The following IPO7 variants were observed in gnomAD, a reference collection of about 807,000 sequenced individuals.
The protein encoded by IPO7 is importin-7.
In IPO7, 13 loss-of-function variants were observed where a neutral mutation model predicts 136.4. That is an observed-to-expected ratio of 0.10 (90% CI 0.06 to 0.15). The LOEUF (loss-of-function observed/expected upper bound fraction) is 0.15, where lower values mean the gene tolerates loss of function less well. IPO7 is among the 10% of genes least tolerant of loss of function. The pLI is 1.00. For synonymous variants in IPO7, 403 were observed against 404.4 expected, an observed-to-expected ratio of 1.00 and a Z score of 0.04; for missense variants, 857 against 1,240.6, an observed-to-expected ratio of 0.69 and a Z score of 4.65.
intron 20 of IPO7, among the ~76,000 whole-genome samples, chr11:9,436,960 A>T (rs905523290): frequency 7.6e-6 from 1 of 131,434 alleles, no homozygotes; most frequent in East Asian, 2.3e-4. Context: ...ATCTCAGCTC[A>T]CTGCAACCTC....
chr11:9,395,142 C>A (rs1411000192), intron 1 of IPO7, among the ~76,000 whole-genome samples: 1 of 152,072 alleles, frequency 6.6e-6, no homozygotes, highest in Non-Finnish European at 1.5e-5. Flanking sequence ...TGATGTTTGC[C>A]AAATTGTTGA....
Position 9,414,331 on chromosome 11 carries a change from A to T in IPO7, c.556A>T (p.Ile186Phe). The change falls in exon 5 of 25, where the codon ATC becomes TTC. Residue 186 changes from isoleucine (I) to phenylalanine (F), a missense_variant. Ile to Phe is a conservative substitution (Grantham distance 21). This residue lies in a region of IPO7 where 287 missense variants were observed against 307.5 expected (regional missense o/e 0.93). Transcript: ENST00000379719. ...HFLPVLKDRFIQLLSDQSDQS... is the reference protein window; with the variant it reads ...HFLPVLKDRFFQLLSDQSDQS... The stretch of plus-strand genomic sequence containing the variant: ...TCTGCCAGTTCTAAAGGATCGTTTT[A>T]TCCAGCTTCTTTCTGACCAGTCTGA... 1 of 1,613,288 alleles carries T rather than the reference A, an allele frequency of 6.2e-7. No individual in the cohort carries two copies. Among genetic ancestry groups the T allele is most frequent in the East Asian group, 2.2e-5 (1 of 44,844 alleles).
chr11:9,443,591 CAAAAA>C, intron 24 of IPO7, among the ~76,000 whole-genome samples: 1 of 69,486 alleles, frequency 1.4e-5, no homozygotes. Context: ...AACTCCGTCT[CAAAAA>C]AAAAAAAAAA....
chr11:9,436,843 TA>T (rs1855376927), intron 20 of IPO7, among the ~76,000 whole-genome samples: 2 of 8,074 alleles, frequency 2.5e-4, no homozygotes, highest in African/African-American at 8.0e-4. Context: ...CGCCTGATTT[TA>T]TATATATATA....
chr11:9,410,808 C>T (rs1462551619), intron 4 of IPO7, among the ~76,000 whole-genome samples: 3 of 152,106 alleles, frequency 2.0e-5, no homozygotes, highest in Admixed American at 6.6e-5. Flanking sequence ...TGGGATATTA[C>T]GAGGAAGGCA....
chr11:9,433,282 G>A (rs988470454), intron 16 of IPO7: 5 of 336,974 alleles, frequency 1.5e-5, no homozygotes, highest in African/African-American at 8.6e-5. Context: ...CACCGCGCCC[G>A]GCCAACTCCT....
chr11:9,441,476 A>G (rs1183615376), intron 23 of IPO7, among the ~76,000 whole-genome samples: 5 of 152,214 alleles, frequency 3.3e-5, no homozygotes, highest in African/African-American at 1.2e-4. Flanking sequence ...GAACTGATGA[A>G]TATATTTTTT....
rs2133736561 is a variant in IPO7, at chr11:9,408,593, C to G, written c.274C>G (p.Arg92Gly). ...TIPEEDRHCIRENIVEAIIHS... is the reference protein window; with the variant it reads ...TIPEEDRHCIGENIVEAIIHS... Reference sequence around the variant, plus strand: ...TCCAGAAGAAGATCGCCATTGTATTCGAGAAAATATTGTAGAAGCCATTAT... The same window carrying G: ...TCCAGAAGAAGATCGCCATTGTATTGGAGAAAATATTGTAGAAGCCATTAT... Residue 92 changes from arginine (R) to glycine (G), a missense_variant, in exon 3 of 25, where the codon CGA (arginine) becomes GGA (glycine). Arg to Gly is a moderately radical substitution (Grantham distance 125). Transcript: ENST00000379719. The G allele has an allele frequency of 1.2e-6, 2 of 1,608,354 alleles. No individual in the cohort carries two copies. The highest frequency in any genetic ancestry group is 1.7e-6 in the Non-Finnish European group (2 of 1,177,724).
intron 22 of IPO7, among the ~76,000 whole-genome samples, chr11:9,438,718 C>G (rs1025997162): frequency 6.6e-6 from 1 of 152,116 alleles, no homozygotes; most frequent in Non-Finnish European, 1.5e-5. Flanking sequence ...AAAAGACTTC[C>G]TTTCTTCTCA....
chr11:9,422,503 A>G (rs1015461379), intron 8 of IPO7, among the ~76,000 whole-genome samples: 1 of 152,126 alleles, frequency 6.6e-6, no homozygotes, highest in Non-Finnish European at 1.5e-5. Flanking sequence ...AGGTTTGTGG[A>G]CCACATTTTG....
intron 16 of IPO7, among the ~76,000 whole-genome samples, chr11:9,431,924 T>A (rs1475743794): frequency 6.6e-6 from 1 of 151,902 alleles, no homozygotes; most frequent in East Asian, 1.9e-4. Context: ...GCAGTGAGCA[T>A]AGATCGCGCC....
intron 24 of IPO7, among the ~76,000 whole-genome samples, chr11:9,443,991 T>G (rs1291837747): frequency 6.6e-6 from 1 of 151,996 alleles, no homozygotes; most frequent in Non-Finnish European, 1.5e-5. Context: ...AAGTACATTT[T>G]AAGCCAGGCG....
At chr11:9,387,399 G>C (rs1272924867) in intron 1 of IPO7, among the ~76,000 whole-genome samples, 3 of 152,190 alleles carry the variant, frequency 2.0e-5, no homozygotes, top group African/African-American at 4.8e-5. Flanking sequence ...CCCCTAACTT[G>C]TTCTCTCATT....
intron 1 of IPO7, among the ~76,000 whole-genome samples, chr11:9,397,341 A>AAAAAAAAATATATATAT: frequency 1.3e-3 from 14 of 10,756 alleles, no homozygotes; most frequent in Non-Finnish European, 1.7e-3. Flanking sequence ...TTTAAAAAAA[A>AAAAAAAAATATATATAT]ATATATATAT....
In IPO7 at chr11:9,430,868, A is replaced by G. The variant is rs376701352; in HGVS notation, c.1753-7A>G. The G allele has an allele frequency of 2.9e-5, 46 of 1,610,826 alleles. No homozygotes were observed. Among genetic ancestry groups the G allele is most frequent in the Non-Finnish European group, 3.8e-5 (45 of 1,178,938 alleles). On this transcript the variant is annotated splice_region_variant and splice_polypyrimidine_tract_variant and intron_variant, in intron 15 of 24. Coordinates refer to ENST00000379719, the MANE Select transcript of IPO7 (RefSeq NM_006391.3). ...GACAAACTTGAGTTATATTCTCTTG[A>G]ATCTAGGCAATGACATTTAACCAAG...
At chr11:9,441,299 C>A (rs1397492882) in intron 23 of IPO7, among the ~76,000 whole-genome samples, 1 of 152,012 alleles carries the variant, frequency 6.6e-6, no homozygotes, top group Admixed American at 6.6e-5. Context: ...GTATGTGGCT[C>A]CAGAATACTA....
At chr11:9,417,700 C>T (rs1369246128) in intron 6 of IPO7, among the ~76,000 whole-genome samples, 1 of 149,650 alleles carries the variant, frequency 6.7e-6, no homozygotes, top group East Asian at 1.9e-4. Context: ...TCTTTATAGT[C>T]TAGTTTTCTT....
intron 1 of IPO7, among the ~76,000 whole-genome samples, chr11:9,402,000 T>C (rs1854803837): frequency 6.6e-6 from 1 of 152,176 alleles, no homozygotes. Flanking sequence ...ATTTCGTATG[T>C]GTCTGGCCAT....
chr11:9,419,559 A>AAAAAAAATATATATATATATATAT (rs1256216265), intron 6 of IPO7, among the ~76,000 whole-genome samples: 3 of 116,844 alleles, frequency 2.6e-5, no homozygotes, highest in African/African-American at 1.1e-4. Flanking sequence ...AAAAAAAAAA[A>AAAAAAAATATATATATATATATAT]ATATATATAT....
Sources: gnomAD v4.1 joint callset for allele counts (sites outside exome capture counted in the v4.1 genomes callset) on GRCh38, gnomAD v4.1.1 for gene constraint, gnomAD v4.1.1 regional missense constraint, MANE v1.5 for transcripts, NCBI Gene and HGNC (gene_info 2026-07-23, HGNC 2026-07-21) for gene names.